ZNF502: variants seen among roughly 807,000 people sequenced by gnomAD.
ZNF502 encodes zinc finger protein 502.
ZNF502 carries 29 observed loss-of-function variants against 43.6 expected under a neutral mutation model. The ratio of observed to expected loss-of-function variants is 0.67; its 90% CI spans 0.50 to 0.91. ZNF502 has a LOEUF of 0.91. ZNF502 is among the 40% of genes least tolerant of loss of function. The probability of loss-of-function intolerance (pLI) is 0.00; values close to 1 mark genes in which losing one functional copy is unlikely to be tolerated. For synonymous variants in ZNF502, 171 were observed against 207.4 expected, an observed-to-expected ratio of 0.82 and a Z score of 1.51; for missense variants, 591 against 647.2, an observed-to-expected ratio of 0.91 and a Z score of 0.94.
chr3:44,718,437 G>A (rs1356342601), intron 1 of ZNF502, among the ~76,000 whole-genome samples: 1 of 152,170 alleles, frequency 6.6e-6, no homozygotes, highest in Admixed American at 6.5e-5. Flanking sequence ...ATCATGTCAT[G>A]TATTCTATCA....
chr3:44,717,495 T>C (rs1704177878), intron 1 of ZNF502, among the ~76,000 whole-genome samples: 1 of 132,128 alleles, frequency 7.6e-6, no homozygotes, highest in South Asian at 2.6e-4. Flanking sequence ...CACCACAACC[T>C]CCGCCTCCCG....
At chr3:44,717,405 C>CTTT (rs34497930) in intron 1 of ZNF502, among the ~76,000 whole-genome samples, 34 of 76,042 alleles carry the variant, frequency 4.5e-4, no homozygotes, top group Non-Finnish European at 5.2e-4. Context: ...GTGATGCAAT[C>CTTT]TTTTTTTTTT....
In ZNF502 at chr3:44,721,364, T is replaced by A. The variant is rs1049767434; in HGVS notation, c.547T>A (p.Tyr183Asn). Residue 183 changes from tyrosine (Y) to asparagine (N), a missense_variant, in exon 3 of 3, where the codon TAC becomes AAC. Coordinates refer to ENST00000436624, the MANE Select transcript of ZNF502 (RefSeq NM_001134442.3). ...HQRTHTGERP[Y>N]TCEECGKAFS... The stretch of plus-strand genomic sequence containing the variant: ...GAGAACTCATACTGGAGAGAGACCC[T>A]ACACATGTGAGGAATGTGGGAAAGC... 1 of 1,614,174 alleles carries A rather than the reference T, an allele frequency of 6.2e-7. No individual in the cohort carries two copies. The highest frequency in any genetic ancestry group is 1.7e-5 in the Admixed American group (1 of 60,028).
At chr3:44,717,469 T>TGAC (rs1204498191) in intron 1 of ZNF502, among the ~76,000 whole-genome samples, 2 of 141,038 alleles carry the variant, frequency 1.4e-5, no homozygotes, top group Non-Finnish European at 3.0e-5. Context: ...TGGAGTGCAA[T>TGAC]GACACGATCC....
chr3:44,721,409 C>G lies in ZNF502; in HGVS notation c.592C>G (p.Leu198Val). 1 of 1,614,176 alleles carries G rather than the reference C, an allele frequency of 6.2e-7. No individual in the cohort carries two copies. The highest frequency in any genetic ancestry group is 8.5e-7 in the Non-Finnish European group (1 of 1,180,004). Residue 198 changes from leucine (L) to valine (V), a missense_variant, in exon 3 of 3, where the codon CTT (leucine) becomes GTT (valine). Leu to Val is a conservative substitution (Grantham distance 32). Coordinates refer to ENST00000436624, the MANE Select transcript of ZNF502 (RefSeq NM_001134442.3). ...GAAAGCCTTTAGTCGTAGTTCATTC[C>G]TTGTTCAACATCAAAGAATTCACAC... Reference protein sequence around the residue: ...CGKAFSRSSFLVQHQRIHTGV... With the variant: ...CGKAFSRSSFVVQHQRIHTGV...
chr3:44,722,678 A>G lies in ZNF502; in HGVS notation c.*226A>G, dbSNP rs1704396594. 1.9e-6 allele frequency: 1 copy of G among 534,126 alleles called. No individual in the cohort carries two copies. Among genetic ancestry groups the G allele is most frequent in the Admixed American group, 3.3e-5 (1 of 30,756 alleles). 33.1% of individuals were successfully genotyped at this position (534,126 alleles called of 1,614,324 possible). A position where few individuals can be genotyped will look rare whatever the true frequency, so the allele number is the denominator to read the frequency against. On this transcript the variant is annotated 3_prime_UTR_variant, in exon 3 of 3. Transcript: ENST00000436624. ...AGAAAGAAATTCCTGCTTTTCAGAT[A>G]AAGCCTACACATTGCCACTGTCTCC...
rs943562007 is a variant in ZNF502, at chr3:44,722,018, C to G, written c.1201C>G (p.His401Asp). ...STPLTKHQRI[H>D]TGERPYKCSE... is the part of the protein sequence containing the mutation. Reference sequence around the variant, plus strand: ...CCCACTCACTAAACATCAGAGAATACATACAGGGGAGAGACCCTACAAATG... The same window carrying G: ...CCCACTCACTAAACATCAGAGAATAGATACAGGGGAGAGACCCTACAAATG... Residue 401 changes from histidine (H) to aspartate (D), a missense_variant, in exon 3 of 3, where the codon CAT (histidine) becomes GAT (aspartate). By Grantham distance (81) the His-to-Asp change is moderately conservative (BLOSUM62 -1). Transcript: ENST00000436624. 1 of 1,614,200 alleles carries G rather than the reference C, an allele frequency of 6.2e-7. No individual in the cohort carries two copies. Among genetic ancestry groups the G allele is most frequent in the Middle Eastern group, 1.6e-4 (1 of 6,062 alleles).
Position 44,717,744 on chromosome 3 carries a change from G to A in ZNF502, c.-59-2459G>A, listed in dbSNP as rs148739884. 1.4e-3 allele frequency among the ~76,000 whole-genome samples: 219 copies of A among 152,056 alleles called. 1 individual carries two copies. In the East Asian group the frequency reaches 0.038, roughly 26 times the overall value. Reference sequence around the variant, plus strand: ...CATATTAATAGCTCACTGCAGCCTCGAACTCCTGGACTCAAGTGATCCTCC... The same window carrying A: ...CATATTAATAGCTCACTGCAGCCTCAAACTCCTGGACTCAAGTGATCCTCC... On this transcript the variant is annotated intron_variant, in intron 1 of 2. Transcript: ENST00000436624.
chr3:44,722,430 A>G lies in ZNF502; in HGVS notation c.1613A>G (p.Gln538Arg). The G allele has an allele frequency of 1.2e-6, 2 of 1,612,558 alleles. No individual in the cohort carries two copies. The highest frequency in any genetic ancestry group is 1.7e-6 in the Non-Finnish European group (2 of 1,179,350). The change falls in exon 3 of 3, where the codon CAG becomes CGG. Residue 538 changes from glutamine to arginine, a missense_variant. Gln to Arg is a conservative substitution (Grantham distance 43, BLOSUM62 1). Transcript: ENST00000436624. ...CATAGTTCAGTCCTTTTCAGACATC[A>G]GAAACTTCACAGTGGTGACTAATGC... ...FRHSSVLFRH[Q>R]KLHSGD
intron 1 of ZNF502, among the ~76,000 whole-genome samples, chr3:44,717,135 T>G (rs1324592845): frequency 3.3e-5 from 5 of 152,180 alleles, no homozygotes; most frequent in Non-Finnish European, 7.3e-5. Flanking sequence ...TTTGTGGTTT[T>G]ACTTTTTTTA....
rs1398526070 is a variant in ZNF502, at chr3:44,722,059, A to G, written c.1242A>G (p.Lys414=). 6.2e-7 allele frequency: 1 copy of G among 1,614,064 alleles called. No homozygotes were observed. The highest frequency in any genetic ancestry group is 1.3e-5 in the African/African-American group (1 of 74,924). The stretch of plus-strand genomic sequence containing the variant: ...CCTACAAATGCAGTGAATGTGGTAA[A>G]GCCTTCATTCAGAGCATTTGCCTTA... ...ERPYKCSECG[K]AFIQSICLIR... Residue 414 remains lysine (K), a synonymous_variant, in exon 3 of 3, where the codon AAA becomes AAG. Transcript: ENST00000436624.
In ZNF502 at chr3:44,723,217, G is replaced by A. The variant is rs1243272463; in HGVS notation, c.*765G>A. 2 of 152,148 alleles carry A rather than the reference G, an allele frequency of 1.3e-5. No homozygotes were observed. Among genetic ancestry groups the A allele is most frequent in the African/African-American group, 2.4e-5 (1 of 41,422 alleles). 9.4% of individuals were successfully genotyped at this position (152,148 alleles called of 1,614,324 possible). A position where few individuals can be genotyped will look rare whatever the true frequency, so the allele number is the denominator to read the frequency against. On this transcript the variant is annotated 3_prime_UTR_variant, in exon 3 of 3. Coordinates refer to ENST00000436624, the MANE Select transcript of ZNF502 (RefSeq NM_001134442.3). ...GCAGTCATACCTGTTCAGAGAACCA[G>A]GAAGACTCAATATCTATCTCAGAGG...
Position 44,721,018 on chromosome 3 carries a change from C to T in ZNF502, c.201C>T (p.Asn67=), listed in dbSNP as rs771326609. Residue 67 remains asparagine, a synonymous_variant, in exon 3 of 3, where the codon AAC becomes AAT. Transcript: ENST00000436624. The part of the protein sequence containing the change: ...EKYACEGMKE[N]SPREIAESCL... ...ATGCATGTGAGGGCATGAAGGAAAA[C>T]TCTCCTAGGGAGATTGCTGAATCAT... 1.2e-6 allele frequency: 2 copies of T among 1,614,102 alleles called. No individual in the cohort carries two copies. Among genetic ancestry groups the T allele is most frequent in the South Asian group, 1.1e-5 (1 of 91,072 alleles).
At chr3:44,712,792 T>C (rs556025495) in intron 1 of ZNF502, 52 bp downstream of exon 1, 1 of 152,396 alleles carries the variant, frequency 6.6e-6, no homozygotes, top group African/African-American at 2.4e-5. Context: ...CGGCGAGCCA[T>C]TGCTGGGGCG....
chr3:44,713,114 G>GA (rs1481455609), intron 1 of ZNF502, among the ~76,000 whole-genome samples: 1 of 152,224 alleles, frequency 6.6e-6, no homozygotes, highest in Non-Finnish European at 1.5e-5. Flanking sequence ...CTGTAGCTCC[G>GA]AAACTTGTTT....
Position 44,722,062 on chromosome 3 carries a change from C to T in ZNF502, c.1245C>T (p.Ala415=). 6.2e-7 allele frequency: 1 copy of T among 1,614,126 alleles called. No individual in the cohort carries two copies. The change falls in exon 3 of 3, where the codon GCC becomes GCT. Residue 415 remains alanine (A), a synonymous_variant. Transcript: ENST00000436624. ...ACAAATGCAGTGAATGTGGTAAAGC[C>T]TTCATTCAGAGCATTTGCCTTATTC... ...RPYKCSECGK[A]FIQSICLIRH...
Position 44,721,649 on chromosome 3 carries a change from C to T in ZNF502, c.832C>T (p.Gln278Ter). The T allele has an allele frequency of 6.2e-7, 1 of 1,614,052 alleles. No homozygotes were observed. The highest frequency in any genetic ancestry group is 1.1e-5 in the South Asian group (1 of 91,072). The change falls in exon 3 of 3, where the codon CAG (glutamine) becomes TAG (stop). Residue 278 changes from glutamine (Q) to a stop codon, truncating the protein, a stop_gained. Transcript: ENST00000436624. LOFTEE classifies it high-confidence loss of function. ...CAATAGGTGTGGGAAGGCATTCAAT[C>T]AGAATACACACCTTATTCATCATCA... ...KCNRCGKAFN[Q>*]NTHLIHHQRI... is the part of the protein sequence containing the mutation.
rs777904951 is a variant in ZNF502, at chr3:44,721,993, C to G, written c.1176C>G (p.Thr392=). The part of the protein sequence containing the change: ...KECGKAFTQS[T]PLTKHQRIHT... ...GTGGCAAAGCGTTTACTCAGAGCAC[C>G]CCACTCACTAAACATCAGAGAATAC... Residue 392 remains threonine, a synonymous_variant, in exon 3 of 3, where the codon ACC becomes ACG. Transcript: ENST00000436624. 1 of 1,613,928 alleles carries G rather than the reference C, an allele frequency of 6.2e-7. No individual in the cohort carries two copies.
chr3:44,715,054 G>A (rs1399387020), intron 1 of ZNF502, among the ~76,000 whole-genome samples: 1 of 152,186 alleles, frequency 6.6e-6, no homozygotes, highest in Non-Finnish European at 1.5e-5. Context: ...TTTATTGAAG[G>A]AGAAGTAAAA....
Sources: allele counts gnomAD v4.1 joint callset (sites outside exome capture counted in the v4.1 genomes callset), GRCh38; gene constraint gnomAD v4.1.1; transcripts MANE v1.5; gene names NCBI Gene and HGNC (gene_info 2026-07-23, HGNC 2026-07-21).